GRB10: variants seen among roughly 807,000 people sequenced by gnomAD.
GRB10 encodes growth factor receptor bound protein 10, also known as growth factor receptor-bound protein 10.
GRB10 carries 20 observed loss-of-function variants against 80.9 expected under a neutral mutation model. That is an observed-to-expected ratio of 0.25 (90% CI 0.17 to 0.36). GRB10 has a LOEUF of 0.36. Among genes scored for constraint, GRB10 ranks in the 10% least tolerant of loss-of-function variants. GRB10 has a pLI of 1.00. For synonymous variants in GRB10, 291 were observed against 291.5 expected, an observed-to-expected ratio of 1.00 and a Z score of 0.02; for missense variants, 548 against 747.7, an observed-to-expected ratio of 0.73 and a Z score of 3.12.
chr7:50,643,208 A>C (rs2056598776), intron 7 of GRB10, among the ~76,000 whole-genome samples: 1 of 152,164 alleles, frequency 6.6e-6, no homozygotes, highest in African/African-American at 2.4e-5. Flanking sequence ...GTATGAGCGG[A>C]TTAGGGTACA....
chr7:50,711,257 C>T (rs2065853218), intron 4 of GRB10, among the ~76,000 whole-genome samples: 1 of 151,850 alleles, frequency 6.6e-6, no homozygotes, highest in African/African-American at 2.4e-5. Flanking sequence ...TCTCCCAGCC[C>T]TCCCCCACCC....
intron 5 of GRB10, among the ~76,000 whole-genome samples, chr7:50,684,267 CAAAA>C (rs386410128): frequency 1.6e-5 from 1 of 62,276 alleles, no homozygotes; most frequent in African/African-American, 7.1e-5. Context: ...CAATCATCAC[CAAAA>C]AAAAAAAAAA....
At chr7:50,766,607 GT>G (rs2076362943) in intron 2 of GRB10, among the ~76,000 whole-genome samples, 1 of 151,970 alleles carries the variant, frequency 6.6e-6, no homozygotes, top group Admixed American at 6.5e-5. Flanking sequence ...GGAGTAAATA[GT>G]TTGGAGTGGA....
chr7:50,718,243 G>C (rs2067187525), intron 4 of GRB10, among the ~76,000 whole-genome samples: 1 of 152,200 alleles, frequency 6.6e-6, no homozygotes, highest in African/African-American at 2.4e-5. Flanking sequence ...GGGGAGGCCA[G>C]TTTGGGGAAT....
intron 18 of GRB10, among the ~76,000 whole-genome samples, chr7:50,593,625 T>A (rs373309909): frequency 1.3e-5 from 2 of 152,178 alleles, no homozygotes; most frequent in East Asian, 3.8e-4. Context: ...TATGGGGCAG[T>A]TATTTTTATT....
At chr7:50,708,475 T>C (rs1433113806) in intron 4 of GRB10, among the ~76,000 whole-genome samples, 1 of 152,170 alleles carries the variant, frequency 6.6e-6, no homozygotes, top group African/African-American at 2.4e-5. Flanking sequence ...GCGGCAAATG[T>C]CTACCCACCA....
At chr7:50,705,078 GC>G in intron 4 of GRB10, 1 of 890,116 alleles carries the variant, frequency 1.1e-6, no homozygotes, top group Non-Finnish European at 1.3e-6. Flanking sequence ...TCTGCCCAGA[GC>G]CCTCCTTGCT....
At chr7:50,671,785 G>T (rs1315659532) in intron 6 of GRB10, among the ~76,000 whole-genome samples, 1 of 152,218 alleles carries the variant, frequency 6.6e-6, no homozygotes, top group African/African-American at 2.4e-5. Context: ...CTATTTATTG[G>T]GTTGTTTTGA....
At chr7:50,710,780 T>C in intron 4 of GRB10, 3 of 1,356,742 alleles carry the variant, frequency 2.2e-6, no homozygotes, top group East Asian at 4.6e-5. Flanking sequence ...GACCACTTCA[T>C]AGGTCACTTC....
intron 7 of GRB10, among the ~76,000 whole-genome samples, chr7:50,659,770 G>A (rs968583108): frequency 1.3e-5 from 2 of 152,238 alleles, no homozygotes; most frequent in Non-Finnish European, 2.9e-5. Flanking sequence ...GGCCACGCCG[G>A]AGGGCATAAA....
chr7:50,704,725 G>C (rs1408192282), intron 4 of GRB10, among the ~76,000 whole-genome samples: 1 of 152,198 alleles, frequency 6.6e-6, no homozygotes, highest in Non-Finnish European at 1.5e-5. Flanking sequence ...ATGCAAAAGA[G>C]ACCTTCCAGA....
intron 2 of GRB10, among the ~76,000 whole-genome samples, chr7:50,767,810 G>A (rs1421345986): frequency 6.6e-6 from 1 of 152,254 alleles, no homozygotes; most frequent in South Asian, 2.1e-4. Context: ...CTCACACCTC[G>A]TTCACAGACA....
intron 3 of GRB10, among the ~76,000 whole-genome samples, chr7:50,741,106 AAGT>A (rs1409563141): frequency 6.6e-6 from 1 of 152,194 alleles, no homozygotes; most frequent in Non-Finnish European, 1.5e-5. Context: ...GTTTAATAAA[AAGT>A]TTACACTTCA....
chr7:50,626,039 T>C lies in GRB10; in HGVS notation c.661+783A>G, dbSNP rs758995735. ...AATATAGCTGTTGATTTAGAGAAAA[T>C]TTTGGTTTTGAATATTTTACTATGA... On this transcript the variant is annotated intron_variant, in intron 8 of 18. Coordinates refer to ENST00000401949, the MANE Select transcript of GRB10 (RefSeq NM_001350814.2). Among the ~76,000 whole-genome samples, 16 of 152,316 alleles carry C rather than the reference T, an allele frequency of 1.1e-4. 1 individual carries two copies. In the South Asian group the frequency reaches 3.1e-3, roughly 30 times the overall value.
At chr7:50,737,643 G>A (rs2071033710) in intron 3 of GRB10, among the ~76,000 whole-genome samples, 1 of 152,254 alleles carries the variant, frequency 6.6e-6, no homozygotes, top group Non-Finnish European at 1.5e-5. Flanking sequence ...GAGGTCAGGA[G>A]TTCAAGACCA....
At chr7:50,709,610 A>G (rs2065580293) in intron 4 of GRB10, among the ~76,000 whole-genome samples, 2 of 135,238 alleles carry the variant, frequency 1.5e-5, no homozygotes, top group African/African-American at 5.7e-5. Flanking sequence ...TGCCTGCTGC[A>G]GACTGCCGAG....
At chr7:50,756,804 C>G (rs2075150001) in intron 2 of GRB10, among the ~76,000 whole-genome samples, 1 of 152,178 alleles carries the variant, frequency 6.6e-6, no homozygotes, top group Admixed American at 6.5e-5. Flanking sequence ...TGAAACCCAC[C>G]TCACTGAGGA....
rs117481676 is a variant in GRB10, at chr7:50,705,885, C to T, written c.52-1977G>A. On this transcript the variant is annotated intron_variant, in intron 4 of 18. Transcript: ENST00000401949. Reference sequence around the variant, plus strand: ...AAAGGGCAAGGTCCCCAAGAACCTCCGCAACAGGCGCTGAGGAGGGAGCTG... The same window carrying T: ...AAAGGGCAAGGTCCCCAAGAACCTCTGCAACAGGCGCTGAGGAGGGAGCTG... 4.1e-3 allele frequency among the ~76,000 whole-genome samples: 617 copies of T among 152,332 alleles called. 4 individuals carry two copies. Among genetic ancestry groups the T allele is most frequent in the Non-Finnish European group, 6.5e-3 (444 of 68,038 alleles).
At chr7:50,717,353 G>A (rs540085015) in intron 4 of GRB10, among the ~76,000 whole-genome samples, 1 of 152,326 alleles carries the variant, frequency 6.6e-6, no homozygotes, top group Admixed American at 6.5e-5. Flanking sequence ...GGGAGTCAGG[G>A]GCAACTGGGC....
Sources: gnomAD v4.1 joint callset for allele counts (sites outside exome capture counted in the v4.1 genomes callset) on GRCh38, gnomAD v4.1.1 for gene constraint, MANE v1.5 for transcripts, NCBI Gene and HGNC (gene_info 2026-07-23, HGNC 2026-07-21) for gene names.